SLC22A3: variants seen among roughly 807,000 people sequenced by gnomAD.
SLC22A3 encodes EMT organic cation transporter 3.
In SLC22A3, 51 loss-of-function variants were observed where a neutral mutation model predicts 59.1. That is an observed-to-expected ratio of 0.86 (90% CI 0.69 to 1.09). The LOEUF is 1.09. Ranked by LOEUF, SLC22A3 falls within the 50% of genes least tolerant of loss-of-function variation. The pLI is 0.00. For synonymous variants in SLC22A3, 325 were observed against 292.0 expected (o/e 1.11, Z -1.15); for missense variants, 711 against 726.3 (o/e 0.98, Z 0.24).
At chr6:160,441,791 A>G (rs1253334221) in intron 7 of SLC22A3, among the ~76,000 whole-genome samples, 1 of 152,166 alleles carries the variant, frequency 6.6e-6, no homozygotes, top group African/African-American at 2.4e-5. Flanking sequence ...TGTGTTGGAT[A>G]TAAAGGGAAA....
At chr6:160,377,173 A>G (rs1435838311) in intron 1 of SLC22A3, among the ~76,000 whole-genome samples, 2 of 152,208 alleles carry the variant, frequency 1.3e-5, no homozygotes, top group African/African-American at 4.8e-5. Context: ...TCAAATAATT[A>G]TAAACTCTCC....
intron 2 of SLC22A3, among the ~76,000 whole-genome samples, chr6:160,404,547 T>G (rs1786925262): frequency 6.6e-6 from 1 of 152,104 alleles, no homozygotes; most frequent in African/African-American, 2.4e-5. Flanking sequence ...AATACAATAC[T>G]AATCAAAATC....
At chr6:160,373,859 C>G (rs180758402) in intron 1 of SLC22A3, among the ~76,000 whole-genome samples, 403 of 152,294 alleles carry the variant, frequency 2.6e-3, no homozygotes, top group African/African-American at 9.0e-3. Context: ...ACCCCTCCCC[C>G]ACCAAGCTCG....
At chr6:160,389,674 C>G (rs1343983287) in intron 1 of SLC22A3, among the ~76,000 whole-genome samples, 5 of 152,184 alleles carry the variant, frequency 3.3e-5, no homozygotes, top group Non-Finnish European at 7.3e-5. Context: ...GATACTACAC[C>G]CAGATGGTCA....
intron 10 of SLC22A3, among the ~76,000 whole-genome samples, chr6:160,449,251 TG>T (rs1325413144): frequency 6.6e-6 from 1 of 152,062 alleles, no homozygotes; most frequent in Non-Finnish European, 1.5e-5. Flanking sequence ...TTGGGGAGTG[TG>T]GGTGGAAGGG....
chr6:160,437,002 C>T lies in SLC22A3; in HGVS notation c.1079C>T (p.Thr360Ile), dbSNP rs772997374. Residue 360 changes from threonine to isoleucine, a missense_variant, in exon 7 of 11, where the codon ACA (threonine) becomes ATA (isoleucine). Physicochemically the swap from Thr to Ile is moderately conservative, Grantham distance 89. Transcript: ENST00000275300. ...GTCTTTCAATGTTGCTACAGGTTCA[C>T]AAGCGCAGTGGTGTATCAAGGACTT... ...CTLILMFAWF[T>I]SAVVYQGLVM... is the part of the protein sequence containing the mutation. The T allele has an allele frequency of 1.2e-6, 2 of 1,614,034 alleles. No individual in the cohort carries two copies. The highest frequency in any genetic ancestry group is 1.3e-5 in the African/African-American group (1 of 74,926).
intron 7 of SLC22A3, among the ~76,000 whole-genome samples, chr6:160,440,282 A>C (rs1023974712): frequency 6.6e-6 from 1 of 152,194 alleles, no homozygotes; most frequent in African/African-American, 2.4e-5. Flanking sequence ...TTGAACTGGA[A>C]AACTTGTCTT....
At chr6:160,369,974 G>A (rs1354255026) in intron 1 of SLC22A3, among the ~76,000 whole-genome samples, 1 of 152,178 alleles carries the variant, frequency 6.6e-6, no homozygotes, top group Non-Finnish European at 1.5e-5. Flanking sequence ...TTACTGATTT[G>A]GCAGAGAGTA....
intron 1 of SLC22A3, among the ~76,000 whole-genome samples, chr6:160,358,695 G>A (rs1784920646): frequency 6.6e-6 from 1 of 152,246 alleles, no homozygotes; most frequent in South Asian, 2.1e-4. Context: ...CGCTGAGCAT[G>A]TGGAAGGTCC....
At position 160,348,761 on chromosome 6, in the gene SLC22A3, C is replaced by G. The variant is rs905874210; in HGVS notation, c.342C>G (p.Leu114=). 16 of 1,542,696 alleles carry G rather than the reference C, an allele frequency of 1.0e-5. No homozygotes were observed. The highest frequency in any genetic ancestry group is 1.4e-5 in the Non-Finnish European group (16 of 1,150,492). The change falls in exon 1 of 11, where the codon CTC becomes CTG. Residue 114 remains leucine (L), a synonymous_variant. Coordinates refer to ENST00000275300, the MANE Select transcript of SLC22A3 (RefSeq NM_021977.4). ...GCGCTCTCAGCTGCGCGGACCCACT[C>G]GCCGCCTTCCCCAACCGCTCGGCTC... ...ATSALSCADP[L]AAFPNRSAPL...
chr6:160,443,580 A>G (rs572372212), intron 8 of SLC22A3, 50 bp from the exon 9 acceptor site: 2 of 1,186,010 alleles, frequency 1.7e-6, no homozygotes, highest in African/African-American at 3.0e-5. Context: ...GATTATCTTG[A>G]AGTCACTTGT....
intron 1 of SLC22A3, among the ~76,000 whole-genome samples, chr6:160,386,069 C>A (rs1439123041): frequency 5.9e-5 from 9 of 152,236 alleles, no homozygotes; most frequent in Admixed American, 2.0e-4. Context: ...AGTGGTGTGG[C>A]TTTTTCCACC....
At position 160,437,065 on chromosome 6, in the gene SLC22A3, TA is replaced by T. The variant is rs1172737093; in HGVS notation, c.1143del (p.Ile381MetfsTer16). 1.2e-6 allele frequency: 2 copies of T among 1,614,064 alleles called. No individual in the cohort carries two copies. Among genetic ancestry groups the T allele is most frequent in the Non-Finnish European group, 1.7e-6 (2 of 1,180,022 alleles). The part of the protein sequence containing the change: ...RLGIIGGNLY[I>X]DFFISGVVEL... ...GGAATTATAGGGGGCAACCTCTATATAGACTTTTTCATCTCGGGCGTGGTGG... is the reference window on the plus strand; with the variant it reads ...GGAATTATAGGGGGCAACCTCTATATGACTTTTTCATCTCGGGCGTGGTGG... On this transcript the variant is annotated frameshift_variant, in exon 7 of 11. Transcript: ENST00000275300. LOFTEE classifies it high-confidence loss of function.
intron 2 of SLC22A3, among the ~76,000 whole-genome samples, chr6:160,401,125 C>T (rs966373302): frequency 2.0e-5 from 3 of 150,466 alleles, no homozygotes; most frequent in Admixed American, 6.6e-5. Flanking sequence ...ATAAAGAGAG[C>T]GAGAAATAGA....
At chr6:160,403,473 G>T (rs950127663) in intron 2 of SLC22A3, among the ~76,000 whole-genome samples, 13 of 151,902 alleles carry the variant, frequency 8.6e-5, no homozygotes, top group Non-Finnish European at 1.6e-4. Context: ...AACGTTTAGA[G>T]AAGAAACTCT....
chr6:160,441,612 T>TG (rs1788542781), intron 7 of SLC22A3, among the ~76,000 whole-genome samples: 2 of 151,236 alleles, frequency 1.3e-5, no homozygotes, highest in South Asian at 4.2e-4. Context: ...TTTAGCTTTT[T>TG]TTTTTTTTTT....
chr6:160,397,627 A>G (rs746691932), intron 1 of SLC22A3, among the ~76,000 whole-genome samples: 1 of 151,466 alleles, frequency 6.6e-6, no homozygotes, highest in Non-Finnish European at 1.5e-5. Context: ...CCAGCTACTC[A>G]GGAGGCTGAG....
chr6:160,447,818 G>C lies in SLC22A3; in HGVS notation c.1610G>C (p.Ser537Thr). 1.2e-6 allele frequency: 2 copies of C among 1,612,046 alleles called. No individual in the cohort carries two copies. The highest frequency in any genetic ancestry group is 1.7e-6 in the Non-Finnish European group (2 of 1,178,194). Reference protein sequence around the residue: ...ETVDDVEKLGSPHSCKCGRNK... With the variant: ...ETVDDVEKLGTPHSCKCGRNK... Reference sequence around the variant, plus strand: ...GTGGATGATGTAGAAAAACTTGGCAGGTACTGTACAAAATTCAATGCACCC... The same window carrying C: ...GTGGATGATGTAGAAAAACTTGGCACGTACTGTACAAAATTCAATGCACCC... The change falls in exon 10 of 11, where the codon AGT (serine) becomes ACT (threonine). Residue 537 changes from serine (S) to threonine (T), a missense_variant and splice_region_variant. Physicochemically the swap from Ser to Thr is moderately conservative, Grantham distance 58. Transcript: ENST00000275300.
chr6:160,367,431 A>G (rs1785244705), intron 1 of SLC22A3, among the ~76,000 whole-genome samples: 1 of 152,186 alleles, frequency 6.6e-6, no homozygotes, highest in Non-Finnish European at 1.5e-5. Context: ...CAGCAAAACC[A>G]TATCACGTGG....
Sources: allele counts gnomAD v4.1 joint callset (sites outside exome capture counted in the v4.1 genomes callset), GRCh38; gene constraint gnomAD v4.1.1; transcripts MANE v1.5; gene names NCBI Gene and HGNC (gene_info 2026-07-23, HGNC 2026-07-21).